SYT16: variants seen among roughly 807,000 people sequenced by gnomAD.
SYT16 encodes synaptotagmin 16.
In SYT16, 42 loss-of-function variants were observed where a neutral mutation model predicts 61.4. The observed-to-expected ratio is 0.68, with a 90% CI of 0.53 to 0.89. SYT16 has a LOEUF of 0.89. Ranked by LOEUF, SYT16 falls within the 40% of genes least tolerant of loss-of-function variation. The pLI is 0.00. For synonymous variants in SYT16, 314 were observed against 302.3 expected (o/e 1.04, Z -0.40); for missense variants, 804 against 807.3 (o/e 1.00, Z 0.05).
chr14:61,945,018 A>T (rs1330655628), intron 1 of SYT16, among the ~76,000 whole-genome samples: 2 of 152,224 alleles, frequency 1.3e-5, no homozygotes, highest in Admixed American at 6.5e-5. Context: ...CAGAATGTAC[A>T]AGGAACTTAA....
chr14:61,909,399 C>T (rs926218744), intron 1 of SYT16, among the ~76,000 whole-genome samples: 1 of 152,144 alleles, frequency 6.6e-6, no homozygotes, highest in Admixed American at 6.6e-5. Context: ...GGCCATGCTC[C>T]CTCTGAAGGT....
intron 1 of SYT16, among the ~76,000 whole-genome samples, chr14:61,969,475 G>T (rs890105621): frequency 4.6e-5 from 7 of 152,148 alleles, no homozygotes; most frequent in African/African-American, 1.4e-4. Context: ...TACTGATGAG[G>T]AGGAGGAGGG....
At chr14:61,925,473 T>A (rs2140414227) in intron 1 of SYT16, among the ~76,000 whole-genome samples, 1 of 152,360 alleles carries the variant, frequency 6.6e-6, no homozygotes, top group Non-Finnish European at 1.5e-5. Flanking sequence ...AGTAGCTAAT[T>A]ATATTCTTAG....
At position 62,089,318 on chromosome 14, in the gene SYT16, C is replaced by CAA. The variant is rs11370731; in HGVS notation, c.1624+4946_1624+4947dup. On this transcript the variant is annotated intron_variant, in intron 7 of 7. Coordinates refer to ENST00000683842, the MANE Select transcript of SYT16 (RefSeq NM_001367656.1). ...TGGGCCACAGAGTGAGATTCCATCT[C>CAA]AAAAAAAAAAAAAATGGGGTACTGA... Among the ~76,000 whole-genome samples, 808 of 140,182 alleles carry CAA rather than the reference C, an allele frequency of 5.8e-3. 6 individuals carry two copies. The highest frequency in any genetic ancestry group is 0.028 in the South Asian group (124 of 4,356). The allele number at this position is 140,182 out of a possible 152,430, so 92.0% of individuals were successfully genotyped here.
chr14:62,100,574 A>C lies in SYT16; in HGVS notation c.1805A>C (p.Lys602Thr). 6.2e-7 allele frequency: 1 copy of C among 1,613,800 alleles called. No individual in the cohort carries two copies. Among genetic ancestry groups the C allele is most frequent in the South Asian group, 1.1e-5 (1 of 91,074 alleles). The stretch of plus-strand genomic sequence containing the variant: ...TCCGTTTATAACAGGCGTACTATGA[A>C]GCGTAAAGAGATGATTGGCTGGATT... Reference protein sequence around the residue: ...MISVYNRRTMKRKEMIGWIAL... With the variant: ...MISVYNRRTMTRKEMIGWIAL... Residue 602 changes from lysine (K) to threonine (T), a missense_variant, in exon 8 of 8, where the codon AAG becomes ACG. By Grantham distance (78) the Lys-to-Thr change is moderately conservative. Coordinates refer to ENST00000683842, the MANE Select transcript of SYT16 (RefSeq NM_001367656.1).
chr14:61,876,673 G>A (rs1422290347), intron 1 of SYT16, among the ~76,000 whole-genome samples: 2 of 152,190 alleles, frequency 1.3e-5, no homozygotes, highest in East Asian at 1.9e-4. Flanking sequence ...TCTAGATTAT[G>A]TTCCTTTCCT....
chr14:61,964,545 C>A (rs1337793261), intron 1 of SYT16, among the ~76,000 whole-genome samples: 2 of 152,124 alleles, frequency 1.3e-5, no homozygotes, highest in African/African-American at 4.8e-5. Flanking sequence ...AAAGTGGTTT[C>A]TTGAGATAGA....
intron 4 of SYT16, among the ~76,000 whole-genome samples, chr14:62,071,649 T>G (rs1162790805): frequency 2.0e-5 from 3 of 152,222 alleles, no homozygotes; most frequent in Admixed American, 6.5e-5. Flanking sequence ...ATCAGTGGAT[T>G]TTTTTCAGTG....
chr14:62,034,092 A>G (rs2054411013), intron 3 of SYT16, among the ~76,000 whole-genome samples: 1 of 152,236 alleles, frequency 6.6e-6, no homozygotes. Flanking sequence ...CAATAAGTAT[A>G]TGAAAAAATA....
chr14:61,867,047 A>T (rs1409148752), intron 1 of SYT16, among the ~76,000 whole-genome samples: 1 of 151,882 alleles, frequency 6.6e-6, no homozygotes, highest in Non-Finnish European at 1.5e-5. Flanking sequence ...TTTTTCCTGA[A>T]AAGTATTTAT....
chr14:61,825,119 A>G (rs1468375535), intron 1 of SYT16, among the ~76,000 whole-genome samples: 1 of 152,236 alleles, frequency 6.6e-6, no homozygotes, highest in South Asian at 2.1e-4. Context: ...CTCCACTAGC[A>G]TCTTGAAAAA....
chr14:61,832,140 C>A, intron 1 of SYT16: 1 of 710,678 alleles, frequency 1.4e-6, no homozygotes, highest in Admixed American at 1.9e-5. Context: ...CTCGACTTTC[C>A]CATCCGTGGA....
intron 1 of SYT16, chr14:61,832,005 T>G (rs899598922): frequency 1.5e-6 from 1 of 660,150 alleles, no homozygotes; most frequent in African/African-American, 1.8e-5. Flanking sequence ...CACACAGCGC[T>G]TCTCCCAGAT....
chr14:61,860,143 G>A (rs763709099), intron 1 of SYT16, among the ~76,000 whole-genome samples: 25 of 152,120 alleles, frequency 1.6e-4, no homozygotes, highest in Non-Finnish European at 3.1e-4. Flanking sequence ...GTCACTCTAG[G>A]TTGCACAAAG....
chr14:62,002,549 C>T (rs747580561), intron 3 of SYT16, among the ~76,000 whole-genome samples: 7 of 152,056 alleles, frequency 4.6e-5, no homozygotes, highest in South Asian at 2.1e-4. Flanking sequence ...AGAGTGCTCT[C>T]GGTCTTAGGC....
chr14:61,943,426 CAAAAA>C (rs1360520342), intron 1 of SYT16, among the ~76,000 whole-genome samples: 1 of 151,988 alleles, frequency 6.6e-6, no homozygotes, highest in Non-Finnish European at 1.5e-5. Flanking sequence ...TGAGATAAAA[CAAAAA>C]AAGAAAATTT....
chr14:61,909,634 T>G (rs1161099423), intron 1 of SYT16, among the ~76,000 whole-genome samples: 4 of 152,190 alleles, frequency 2.6e-5, no homozygotes, highest in Non-Finnish European at 5.9e-5. Context: ...CAAAGACCCC[T>G]TTTTCCCAAG....
intron 1 of SYT16, among the ~76,000 whole-genome samples, chr14:61,856,600 G>C (rs1265143712): frequency 1.3e-5 from 2 of 152,084 alleles, no homozygotes; most frequent in African/African-American, 4.8e-5. Flanking sequence ...GGCGGGTGAG[G>C]GTTGGGGATG....
chr14:61,822,862 G>A (rs2045658031), intron 1 of SYT16, among the ~76,000 whole-genome samples: 1 of 152,186 alleles, frequency 6.6e-6, no homozygotes, highest in South Asian at 2.1e-4. Context: ...AGACAAATGA[G>A]AATTATACCA....
Sources: allele counts gnomAD v4.1 joint callset (sites outside exome capture counted in the v4.1 genomes callset), GRCh38; gene constraint gnomAD v4.1.1; transcripts MANE v1.5; gene names NCBI Gene and HGNC (gene_info 2026-07-23, HGNC 2026-07-21).